SUN1: variants seen among roughly 807,000 people sequenced by gnomAD.
SUN1 encodes Sad1 and UNC84 domain containing 1.
SUN1 carries 61 observed loss-of-function variants against 103.2 expected under a neutral mutation model. The ratio of observed to expected loss-of-function variants is 0.59; its 90% CI spans 0.48 to 0.73. The LOEUF (loss-of-function observed/expected upper bound fraction) is 0.73, where lower values mean the gene tolerates loss of function less well. SUN1 is among the 30% of genes least tolerant of loss of function. The pLI is 0.00. For missense variants in SUN1, 1,052 were observed against 1,034.6 expected (o/e 1.02, Z -0.23); for synonymous variants, 490 against 425.7 (o/e 1.15, Z -1.86).
intron 1 of SUN1, among the ~76,000 whole-genome samples, chr7:833,392 C>T (rs1263819331): frequency 1.3e-5 from 2 of 150,588 alleles, no homozygotes; most frequent in Non-Finnish European, 2.9e-5. Flanking sequence ...CTCACTGCAA[C>T]ATCCGCCTCC....
chr7:856,788 G>A (rs959971144), intron 12 of SUN1, among the ~76,000 whole-genome samples: 5 of 152,216 alleles, frequency 3.3e-5, no homozygotes, highest in Non-Finnish European at 5.9e-5. Flanking sequence ...CGCTGGCACC[G>A]TTGGCATCTA....
At chr7:852,582 G>A in intron 7 of SUN1, 27 bp from the exon 8 acceptor site, 5 of 1,614,018 alleles carry the variant, frequency 3.1e-6, no homozygotes, top group Non-Finnish European at 4.2e-6. Context: ...TTTTTTCTAA[G>A]TCAAAGGTTT....
chr7:859,107 C>T (rs10253379), intron 13 of SUN1, among the ~76,000 whole-genome samples: 1,614 of 150,456 alleles, frequency 0.011, 17 homozygotes, highest in African/African-American at 0.026. Context: ...GAGCCAAGAT[C>T]GCGCCACTGC....
Position 841,927 on chromosome 7 carries a change from T to TG in SUN1, c.267-18dup. ...TGCTAGAAAAGATCTATAAACTTGC[T>TG]GTTTTTTTTTCTTCTTAGAACAACA... On this transcript the variant is annotated intron_variant, in intron 2 of 18. Transcript: ENST00000401592. 1 of 1,608,132 alleles carries TG rather than the reference T, an allele frequency of 6.2e-7. No homozygotes were observed.
rs918776925 is a variant in SUN1, at chr7:832,552, A to G, written c.28A>G (p.Ser10Gly). ...GGATTTTTCTCGGCTTCACATGTACAGTCCTCCCCAGTGTGTGCCGGAGAA... is the reference window on the plus strand; with the variant it reads ...GGATTTTTCTCGGCTTCACATGTACGGTCCTCCCCAGTGTGTGCCGGAGAA... MDFSRLHMYSPPQCVPENTG... is the reference protein window; with the variant it reads MDFSRLHMYGPPQCVPENTG... Residue 10 changes from serine (S) to glycine (G), a missense_variant, in exon 1 of 19, where the codon AGT becomes GGT. Physicochemically the swap from Ser to Gly is moderately conservative, Grantham distance 56 (BLOSUM62 0). Transcript: ENST00000401592. 5 of 1,613,402 alleles carry G rather than the reference A, an allele frequency of 3.1e-6. No homozygotes were observed. Among genetic ancestry groups the G allele is most frequent in the Non-Finnish European group, 4.2e-6 (5 of 1,179,652 alleles).
At chr7:838,084 G>A (rs905991000) in intron 1 of SUN1, among the ~76,000 whole-genome samples, 2 of 152,208 alleles carry the variant, frequency 1.3e-5, no homozygotes, top group African/African-American at 4.8e-5. Context: ...ACAGGGTCTA[G>A]CTCTGTTGCC....
intron 2 of SUN1, 22 bp downstream of exon 2, chr7:839,008 C>T (rs931216061): frequency 1.3e-6 from 2 of 1,518,438 alleles, no homozygotes; most frequent in Admixed American, 2.3e-5. Context: ...TGCACTTCCT[C>T]TCCATCTGAT....
intron 15 of SUN1, among the ~76,000 whole-genome samples, chr7:864,319 G>A (rs981053829): frequency 6.6e-5 from 10 of 151,898 alleles, no homozygotes; most frequent in Admixed American, 3.3e-4. Context: ...AGGCTGAGGC[G>A]GGCAGATCAC....
rs1824377295 is a variant in SUN1, at chr7:853,749, AGTT to A, written c.1263+136_1263+138del. On this transcript the variant is annotated intron_variant, in intron 10 of 18. Coordinates refer to ENST00000401592, the MANE Select transcript of SUN1 (RefSeq NM_001130965.3). Reference sequence around the variant, plus strand: ...AAAAGGGGTTGCCCTTTCTGTTCTTAGTTGTTGAGAGCAGTGTGCCGGAGAGGG... The same window carrying A: ...AAAAGGGGTTGCCCTTTCTGTTCTTAGTTGAGAGCAGTGTGCCGGAGAGGG... The A allele has an allele frequency of 3.0e-6, 3 of 1,009,344 alleles. No individual in the cohort carries two copies. In the South Asian group the frequency reaches 4.8e-5, roughly 16 times the overall value. 62.5% of individuals were successfully genotyped at this position (1,009,344 alleles called of 1,614,324 possible). A position where few individuals can be genotyped will look rare whatever the true frequency, so the allele number is the denominator to read the frequency against.
rs904667863 is a variant in SUN1 at position 847,085 on chromosome 7, T to G, written c.658+3565T>G. On this transcript the variant is annotated intron_variant, in intron 5 of 18. Coordinates refer to ENST00000401592, the MANE Select transcript of SUN1 (RefSeq NM_001130965.3). ...AGTGTCCCATTCTTAAGCTGGTGGG[T>G]CAGAGGTACGAAGCAAATGGCTGTT... Among the ~76,000 whole-genome samples, 3 of 152,316 alleles carry G rather than the reference T, an allele frequency of 2.0e-5. No homozygotes were observed. In the East Asian group the frequency reaches 5.8e-4, roughly 29 times the overall value.
chr7:854,051 C>T (rs1374684352), intron 10 of SUN1, among the ~76,000 whole-genome samples: 1 of 152,230 alleles, frequency 6.6e-6, no homozygotes, highest in East Asian at 1.9e-4. Flanking sequence ...CTCCCACCCA[C>T]TGCAGGGATC....
chr7:847,186 A>G (rs1475809911), intron 5 of SUN1, among the ~76,000 whole-genome samples: 1 of 152,130 alleles, frequency 6.6e-6, no homozygotes, highest in East Asian at 1.9e-4. Flanking sequence ...TACTCTGTAG[A>G]TGATTGCTAG....
chr7:838,582 C>G (rs1461390940), intron 1 of SUN1, among the ~76,000 whole-genome samples: 1 of 152,172 alleles, frequency 6.6e-6, no homozygotes, highest in African/African-American at 2.4e-5. Flanking sequence ...TGTCCTACAT[C>G]TGATGTGAAG....
chr7:855,391 G>A (rs1584956329), intron 11 of SUN1, among the ~76,000 whole-genome samples: 1 of 152,244 alleles, frequency 6.6e-6, no homozygotes, highest in Non-Finnish European at 1.5e-5. Flanking sequence ...TTGACAGACA[G>A]CACTAGCTTT....
intron 10 of SUN1, among the ~76,000 whole-genome samples, 158 bp downstream of exon 10, chr7:853,776 G>A (rs972945551): frequency 6.6e-6 from 1 of 152,212 alleles, no homozygotes; most frequent in Non-Finnish European, 1.5e-5. Context: ...TGCCGGAGAG[G>A]GAGTGGGTTT....
chr7:816,573 G>A, upstream of SUN1: 1 of 396,606 alleles, frequency 2.5e-6, no homozygotes, highest in Non-Finnish European at 5.0e-6. Context: ...CGTTGCTCCC[G>A]CCCTCGGCCC....
chr7:872,406 A>G (rs926434851), intron 17 of SUN1, 64 bp from the exon 18 acceptor site: 18 of 1,361,738 alleles, frequency 1.3e-5, no homozygotes, highest in South Asian at 2.5e-5. Context: ...GTGGAAGGGA[A>G]CGGTCCTCTC....
Position 860,122 on chromosome 7 carries a change from T to G in SUN1, c.1525-6T>G. Reference sequence around the variant, plus strand: ...GGACATTTGTGTCCGTCTGCTGTTTTACTAGGTGGACGTGCAAGTCAGAGA... The same window carrying G: ...GGACATTTGTGTCCGTCTGCTGTTTGACTAGGTGGACGTGCAAGTCAGAGA... On this transcript the variant is annotated splice_region_variant and splice_polypyrimidine_tract_variant and intron_variant, in intron 13 of 18. Transcript: ENST00000401592. The G allele has an allele frequency of 6.2e-7, 1 of 1,613,296 alleles. No individual in the cohort carries two copies. Among genetic ancestry groups the G allele is most frequent in the Non-Finnish European group, 8.5e-7 (1 of 1,179,360 alleles).
chr7:851,990 A>T lies in SUN1; in HGVS notation c.798A>T (p.Gly266=). Residue 266 remains glycine (G), a synonymous_variant, in exon 7 of 19, where the codon GGA becomes GGT. Transcript: ENST00000401592. ...ASGVFWWLGI[G]WYQFVTLISW... ...GAGTGTTCTGGTGGCTGGGGATTGG[A>T]TGGTACCAGTTTGTTACTTTGATTT... The T allele has an allele frequency of 6.2e-7, 1 of 1,613,936 alleles. No homozygotes were observed. The highest frequency in any genetic ancestry group is 8.5e-7 in the Non-Finnish European group (1 of 1,179,964).
Sources: allele counts gnomAD v4.1 joint callset (sites outside exome capture counted in the v4.1 genomes callset), GRCh38; gene constraint gnomAD v4.1.1; transcripts MANE v1.5; gene names NCBI Gene and HGNC (gene_info 2026-07-23, HGNC 2026-07-21).